The following SLC35D3 variants were observed in gnomAD, a reference collection of about 807,000 sequenced individuals.
SLC35D3 encodes frc, fringe-like 1.
Under a neutral mutation model 20.3 loss-of-function variants are expected in SLC35D3, and 18 were observed. The ratio of observed to expected loss-of-function variants is 0.89; its 90% CI spans 0.61 to 1.32. SLC35D3 has a LOEUF of 1.32. Among genes scored for constraint, SLC35D3 ranks in the 40% most tolerant of loss-of-function variants. The pLI is 0.00. For synonymous variants in SLC35D3, 313 were observed against 263.5 expected (o/e 1.19, Z -1.82); for missense variants, 556 against 565.5 (o/e 0.98, Z 0.17).
chr6:136,924,101 G>T lies in SLC35D3; in HGVS notation c.656G>T (p.Gly219Val), dbSNP rs772390111. ...TDSIHAWTFP[G>V]WKDPAMVCIF... ...TCCATCCACGCCTGGACCTTCCCGG[G>T]CTGGAAGGACCCGGCCATGGTCTGC... The change falls in exon 2 of 2, where the codon GGC (glycine) becomes GTC (valine). Residue 219 changes from glycine (G) to valine (V), a missense_variant. Coordinates refer to ENST00000331858, the MANE Select transcript of SLC35D3 (RefSeq NM_001008783.3). 33 of 1,612,310 alleles carry T rather than the reference G, an allele frequency of 2.0e-5. No homozygotes were observed. The Middle Eastern group carries it at 6.6e-4, about 32-fold the overall frequency.
Sources: gnomAD v4.1 joint callset for allele counts on GRCh38, gnomAD v4.1.1 for gene constraint, MANE v1.5 for transcripts, NCBI Gene and HGNC (gene_info 2026-07-23, HGNC 2026-07-21) for gene names.